Variants in FRMD6 observed in about 807,000 individuals in gnomAD.
FRMD6 encodes FERM domain containing 6.
FRMD6 carries 37 observed loss-of-function variants against 73.2 expected under a neutral mutation model. The observed-to-expected ratio is 0.51, with a 90% CI of 0.39 to 0.66. FRMD6 has a LOEUF of 0.66. Among genes scored for constraint, FRMD6 ranks in the 30% least tolerant of loss-of-function variants. FRMD6 has a pLI of 0.00. For missense variants in FRMD6, 714 were observed against 780.5 expected, an observed-to-expected ratio of 0.91 and a Z score of 1.02; for synonymous variants, 273 against 282.2, an observed-to-expected ratio of 0.97 and a Z score of 0.33.
chr14:51,636,132 G>A (rs539453879), intron 2 of FRMD6, among the ~76,000 whole-genome samples: 1 of 152,284 alleles, frequency 6.6e-6, no homozygotes, highest in East Asian at 1.9e-4. Context: ...CTCAGGTGGT[G>A]GTGAGACAAG....
chr14:51,589,491 G>A (rs1044659168), intron 2 of FRMD6, among the ~76,000 whole-genome samples: 1 of 151,928 alleles, frequency 6.6e-6, no homozygotes, highest in African/African-American at 2.4e-5. Context: ...AGAAGGGTGA[G>A]GGAGAACAGA....
At chr14:51,483,250 A>G in the FRMD6 span, among the ~76,000 whole-genome samples, 1 of 152,228 alleles carries the variant, frequency 6.6e-6, no homozygotes, top group Admixed American at 6.5e-5. Flanking sequence ...TGAAAAGCGG[A>G]GATGCAATAA....
chr14:51,622,483 G>A (rs143634382), intron 2 of FRMD6, among the ~76,000 whole-genome samples: 125 of 152,258 alleles, frequency 8.2e-4, no homozygotes, highest in African/African-American at 3.0e-3. Context: ...AAGCAGTCCT[G>A]ACTCCTAGTC....
chr14:51,446,871 T>G, the FRMD6 span, among the ~76,000 whole-genome samples: 1 of 151,934 alleles, frequency 6.6e-6, no homozygotes, highest in Non-Finnish European at 1.5e-5. Flanking sequence ...GAAATGAGAG[T>G]TGACATCTTG....
At chr14:51,716,853 G>A (rs1897267777) in intron 10 of FRMD6, among the ~76,000 whole-genome samples, 1 of 152,220 alleles carries the variant, frequency 6.6e-6, no homozygotes, top group Non-Finnish European at 1.5e-5. Context: ...GGATGAAGAA[G>A]CAGGAGAACC....
At chr14:51,417,902 G>C in the FRMD6 span, among the ~76,000 whole-genome samples, 2 of 151,392 alleles carry the variant, frequency 1.3e-5, no homozygotes, top group African/African-American at 4.9e-5. Context: ...TCATTAATTT[G>C]ATCTTCAGTC....
the FRMD6 span, among the ~76,000 whole-genome samples, chr14:51,425,051 A>G: frequency 6.6e-6 from 1 of 152,180 alleles, no homozygotes; most frequent in Admixed American, 6.5e-5. Context: ...CACCAGGGCC[A>G]TTGCATCCAC....
At chr14:51,573,615 T>C (rs1356477269) in intron 2 of FRMD6, among the ~76,000 whole-genome samples, 1 of 152,228 alleles carries the variant, frequency 6.6e-6, no homozygotes, top group African/African-American at 2.4e-5. Context: ...TCTGCTGGCA[T>C]ACTGAATTCT....
the FRMD6 span, among the ~76,000 whole-genome samples, chr14:51,445,712 C>T: frequency 6.6e-6 from 1 of 152,122 alleles, no homozygotes; most frequent in African/African-American, 2.4e-5. Flanking sequence ...ATCATCTCCC[C>T]AAGTGCTACT....
At chr14:51,476,872 T>C in the FRMD6 span, among the ~76,000 whole-genome samples, 160 of 152,254 alleles carry the variant, frequency 1.1e-3, 1 homozygote, top group African/African-American at 3.7e-3. Context: ...ATACCAAAAC[T>C]ATAATAGCAG....
chr14:51,682,027 C>T lies in FRMD6; in HGVS notation c.-146-7664C>T, dbSNP rs117281811. On this transcript the variant is annotated intron_variant, in intron 1 of 13. Coordinates refer to ENST00000344768, the MANE Select transcript of FRMD6 (RefSeq NM_001267046.2). ...CTTTAATAAGAGGACTATTCACCCA[C>T]ACATTAGTATGCAAGATGAGATATT... Among the ~76,000 whole-genome samples, 325 of 152,304 alleles carry T rather than the reference C, an allele frequency of 2.1e-3. 3 individuals are homozygous for T. In the South Asian group the frequency reaches 0.023, roughly 11 times the overall value.
the FRMD6 span, among the ~76,000 whole-genome samples, chr14:51,469,323 C>T: frequency 2.4e-4 from 35 of 148,576 alleles, no homozygotes; most frequent in South Asian, 4.0e-3. Context: ...ATAAAATGTG[C>T]TTTGTCATGG....
In FRMD6 at chr14:51,727,538, G is replaced by A. The variant is rs113307338; in HGVS notation, c.1585-207G>A. Among the ~76,000 whole-genome samples, 134 of 152,286 alleles carry A rather than the reference G, an allele frequency of 8.8e-4. 3 individuals are homozygous for A. Among genetic ancestry groups the A allele is most frequent in the African/African-American group, 3.0e-3 (123 of 41,554 alleles). ...GGTCAGGGCCTGGCACATAGTAATT[G>A]CTCGGTAAATGTTAGCTGCTATTAT... On this transcript the variant is annotated intron_variant, in intron 13 of 13. Transcript: ENST00000344768.
chr14:51,407,975 T>C, the FRMD6 span, among the ~76,000 whole-genome samples: 1 of 152,172 alleles, frequency 6.6e-6, no homozygotes, highest in Non-Finnish European at 1.5e-5. Context: ...CATTCCTTTA[T>C]TGTTCTTTAG....
At chr14:51,622,068 G>C (rs1005278550) in intron 2 of FRMD6, among the ~76,000 whole-genome samples, 15 of 152,176 alleles carry the variant, frequency 9.9e-5, no homozygotes, top group Admixed American at 3.3e-4. Context: ...ACCACATCTG[G>C]GTGAAGGAGG....
At chr14:51,612,107 T>C (rs1890534802) in intron 2 of FRMD6, among the ~76,000 whole-genome samples, 1 of 152,234 alleles carries the variant, frequency 6.6e-6, no homozygotes, top group South Asian at 2.1e-4. Flanking sequence ...CATAACAAAA[T>C]ATTTTCAAAA....
At chr14:51,533,496 G>C (rs1262204492) in intron 1 of FRMD6, among the ~76,000 whole-genome samples, 2 of 152,170 alleles carry the variant, frequency 1.3e-5, no homozygotes, top group African/African-American at 4.8e-5. Context: ...CTAATGCATA[G>C]AGATTACGGC....
chr14:51,687,361 A>T (rs778962470), intron 1 of FRMD6, among the ~76,000 whole-genome samples: 59 of 152,204 alleles, frequency 3.9e-4, no homozygotes, highest in Non-Finnish European at 7.5e-4. Context: ...TTTAAGATGC[A>T]TTTAATCAAA....
chr14:51,575,748 C>T (rs74657630), intron 2 of FRMD6: 3,382 of 152,262 alleles, frequency 0.022, 58 homozygotes, highest in Middle Eastern at 0.041. Flanking sequence ...CCTTGTTTTA[C>T]GTTTGCAGAT....
Sources: allele counts gnomAD v4.1 joint callset (sites outside exome capture counted in the v4.1 genomes callset), GRCh38; gene constraint gnomAD v4.1.1; transcripts MANE v1.5; gene names NCBI Gene and HGNC (gene_info 2026-07-23, HGNC 2026-07-21).